Variants in VAV3 observed in about 807,000 individuals in gnomAD.
The protein encoded by VAV3 is guanine nucleotide exchange factor VAV3.
In VAV3, 94 loss-of-function variants were observed where a neutral mutation model predicts 131.2. That is an observed-to-expected ratio of 0.72 (90% CI 0.61 to 0.85). The LOEUF (loss-of-function observed/expected upper bound fraction) is 0.85, where lower values mean the gene tolerates loss of function less well. Among genes scored for constraint, VAV3 ranks in the 40% least tolerant of loss-of-function variants. The pLI is 0.00. For missense variants in VAV3, 939 were observed against 1,002.7 expected, an observed-to-expected ratio of 0.94 and a Z score of 0.86; for synonymous variants, 349 against 342.0, an observed-to-expected ratio of 1.02 and a Z score of -0.22.
intron 15 of VAV3, among the ~76,000 whole-genome samples, chr1:107,746,481 C>T (rs1349422056): frequency 6.6e-6 from 1 of 152,196 alleles, no homozygotes; most frequent in Non-Finnish European, 1.5e-5. Context: ...TGTGCATGTG[C>T]TGCAGCCATC....
At chr1:107,686,712 A>G (rs1659053706) in intron 18 of VAV3, among the ~76,000 whole-genome samples, 1 of 152,230 alleles carries the variant, frequency 6.6e-6, no homozygotes, top group African/African-American at 2.4e-5. Context: ...AAGTCACTAA[A>G]AAACTGATGT....
chr1:107,923,440 A>G (rs1673012679), intron 1 of VAV3, among the ~76,000 whole-genome samples: 1 of 152,158 alleles, frequency 6.6e-6, no homozygotes. Context: ...CATGAATGAA[A>G]TTAGTGACCT....
At chr1:107,847,648 G>A (rs547965532) in intron 2 of VAV3, among the ~76,000 whole-genome samples, 75 of 152,186 alleles carry the variant, frequency 4.9e-4, no homozygotes, top group African/African-American at 1.7e-3. Context: ...ACACCTCTAC[G>A]CAAATAAACT....
Position 107,793,926 on chromosome 1 carries a change from G to A in VAV3, c.322-14434C>T, listed in dbSNP as rs545524493. On this transcript the variant is annotated intron_variant, in intron 2 of 26. Transcript: ENST00000370056. ...GCATTATGAAAACAGGGATCCACTTGACTTGCGTACTGCTGGACACGCCAA... is the reference window on the plus strand; with the variant it reads ...GCATTATGAAAACAGGGATCCACTTAACTTGCGTACTGCTGGACACGCCAA... 3.9e-5 allele frequency among the ~76,000 whole-genome samples: 6 copies of A among 152,360 alleles called. No homozygotes were observed. In the South Asian group the frequency reaches 6.2e-4, roughly 16 times the overall value.
intron 15 of VAV3, among the ~76,000 whole-genome samples, chr1:107,711,698 A>AT (rs1553192836): frequency 6.6e-6 from 1 of 152,164 alleles, no homozygotes; most frequent in Non-Finnish European, 1.5e-5. Flanking sequence ...CATTCAATAA[A>AT]TTCGTAAGTA....
intron 1 of VAV3, among the ~76,000 whole-genome samples, chr1:107,912,727 G>A (rs1300592441): frequency 6.6e-6 from 1 of 152,192 alleles, no homozygotes; most frequent in East Asian, 1.9e-4. Flanking sequence ...CTAGATACCT[G>A]CATCTGCACC....
chr1:107,711,778 C>T (rs1426940707), intron 15 of VAV3, among the ~76,000 whole-genome samples: 2 of 152,054 alleles, frequency 1.3e-5, no homozygotes, highest in African/African-American at 4.8e-5. Context: ...ACCTCTGCCT[C>T]CCAGGTTCGA....
At chr1:107,627,226 T>C (rs1055339534) in intron 20 of VAV3, among the ~76,000 whole-genome samples, 3 of 152,194 alleles carry the variant, frequency 2.0e-5, no homozygotes, top group Non-Finnish European at 4.4e-5. Context: ...CTCTTTTTCC[T>C]TCCCCATCTC....
At chr1:107,780,156 G>A (rs1665613728) in intron 2 of VAV3, among the ~76,000 whole-genome samples, 1 of 152,074 alleles carries the variant, frequency 6.6e-6, no homozygotes, top group Admixed American at 6.5e-5. Context: ...CTGAGCTTTT[G>A]TTTCATCTTC....
chr1:107,923,637 G>C (rs1286594780), intron 1 of VAV3, among the ~76,000 whole-genome samples: 1 of 152,032 alleles, frequency 6.6e-6, no homozygotes, highest in Non-Finnish European at 1.5e-5. Flanking sequence ...ATGGTGTCAG[G>C]AAAAATAAGT....
chr1:107,727,009 A>G (rs1354330709), intron 15 of VAV3, among the ~76,000 whole-genome samples: 1 of 152,266 alleles, frequency 6.6e-6, no homozygotes, highest in East Asian at 1.9e-4. Context: ...GAATAAGCCC[A>G]AGAGAAAAAC....
At chr1:107,610,007 G>A (rs912682157) in intron 21 of VAV3, 42 bp from the exon 22 acceptor site, 1 of 1,594,018 alleles carries the variant, frequency 6.3e-7, no homozygotes, top group African/African-American at 1.3e-5. Context: ...TTTACATAAG[G>A]GAAGCTTTTA....
At chr1:107,889,500 C>G (rs1159667277) in intron 1 of VAV3, among the ~76,000 whole-genome samples, 2 of 151,894 alleles carry the variant, frequency 1.3e-5, no homozygotes, top group Non-Finnish European at 2.9e-5. Context: ...GATCCAGGAC[C>G]ATCTGTGGTG....
chr1:107,586,611 G>A (rs1035585967), intron 25 of VAV3, among the ~76,000 whole-genome samples: 1 of 152,116 alleles, frequency 6.6e-6, no homozygotes, highest in Non-Finnish European at 1.5e-5. Flanking sequence ...CTATCAGAGG[G>A]TGGTGAAGAT....
At chr1:107,698,331 C>T (rs1659872072) in intron 17 of VAV3, among the ~76,000 whole-genome samples, 1 of 152,196 alleles carries the variant, frequency 6.6e-6, no homozygotes, top group African/African-American at 2.4e-5. Flanking sequence ...TGCTGGGCAG[C>T]AGCAGCTAGC....
At chr1:107,635,299 G>C (rs1376110028) in intron 20 of VAV3, among the ~76,000 whole-genome samples, 1 of 152,082 alleles carries the variant, frequency 6.6e-6, no homozygotes, top group East Asian at 1.9e-4. Context: ...CATAAAAAAT[G>C]ATGAGTTCAT....
intron 19 of VAV3, chr1:107,677,806 A>G (rs1281323628): frequency 6.6e-6 from 1 of 152,180 alleles, no homozygotes; most frequent in Non-Finnish European, 1.5e-5. Flanking sequence ...ACATCTCCAG[A>G]TATTCACCTC....
At chr1:107,632,370 G>A (rs1281655046) in intron 20 of VAV3, among the ~76,000 whole-genome samples, 2 of 152,074 alleles carry the variant, frequency 1.3e-5, no homozygotes, top group Non-Finnish European at 1.5e-5. Context: ...GCACTGCTCT[G>A]GTATAGCCCC....
intron 2 of VAV3, among the ~76,000 whole-genome samples, chr1:107,841,406 A>G (rs1157989971): frequency 6.6e-6 from 1 of 152,198 alleles, no homozygotes; most frequent in Non-Finnish European, 1.5e-5. Flanking sequence ...CAGAAGGCTG[A>G]GGAGAAACAG....
Sources: gnomAD v4.1 joint callset for allele counts (sites outside exome capture counted in the v4.1 genomes callset) on GRCh38, gnomAD v4.1.1 for gene constraint, MANE v1.5 for transcripts, NCBI Gene and HGNC (gene_info 2026-07-23, HGNC 2026-07-21) for gene names.